NPLOC4: variants seen among roughly 807,000 people sequenced by gnomAD.
The protein encoded by NPLOC4 is NPL4 homolog, ubiquitin recognition factor, also known as nuclear protein localization protein 4 homolog.
A neutral mutation model predicts 80.6 loss-of-function variants in NPLOC4; 18 were observed. That is an observed-to-expected ratio of 0.22 (90% CI 0.15 to 0.33). The LOEUF (loss-of-function observed/expected upper bound fraction) is 0.33, where lower values mean the gene tolerates loss of function less well. Ranked by LOEUF, NPLOC4 falls within the 10% of genes least tolerant of loss-of-function variation. NPLOC4 has a pLI of 1.00. For missense variants in NPLOC4, 540 were observed against 786.1 expected (o/e 0.69, Z 3.74); for synonymous variants, 313 against 301.5 (o/e 1.04, Z -0.39).
intron 13 of NPLOC4, among the ~76,000 whole-genome samples, chr17:81,570,232 A>G (rs900642888): frequency 3.9e-5 from 6 of 152,244 alleles, no homozygotes; most frequent in African/African-American, 1.2e-4. Context: ...TGTCGGCTAC[A>G]TGGCCTCGTC....
At chr17:81,575,783 A>G (rs1450220348) in intron 12 of NPLOC4, among the ~76,000 whole-genome samples, 1 of 152,218 alleles carries the variant, frequency 6.6e-6, no homozygotes, top group Non-Finnish European at 1.5e-5. Flanking sequence ...CACACTGAGT[A>G]AGACTCTCCC....
chr17:81,597,219 C>T (rs758284073), intron 10 of NPLOC4, 26 bp downstream of exon 10: 3 of 1,595,510 alleles, frequency 1.9e-6, no homozygotes, highest in Non-Finnish European at 2.6e-6. Context: ...CATAGGGCCA[C>T]ACGCACAGTC....
intron 12 of NPLOC4, among the ~76,000 whole-genome samples, chr17:81,583,636 C>T (rs897310044): frequency 6.6e-6 from 1 of 152,188 alleles, no homozygotes; most frequent in African/African-American, 2.4e-5. Flanking sequence ...AAAAACTACA[C>T]GTGAACGATG....
At chr17:81,559,666 G>C (rs1475131907) in intron 16 of NPLOC4, among the ~76,000 whole-genome samples, 1 of 152,064 alleles carries the variant, frequency 6.6e-6, no homozygotes, top group African/African-American at 2.4e-5. Context: ...TTGTTGCAGA[G>C]GGTGCTTCTC....
intron 12 of NPLOC4, among the ~76,000 whole-genome samples, chr17:81,585,106 G>GT (rs1216276211): frequency 1.5e-5 from 2 of 131,494 alleles, no homozygotes; most frequent in African/African-American, 5.6e-5. Context: ...GGAGGCGGAG[G>GT]TTGCAGTGAT....
Position 81,559,326 on chromosome 17 carries a change from T to C in NPLOC4, c.1760A>G (p.Gln587Arg), listed in dbSNP as rs753318257. 3 of 1,606,834 alleles carry C rather than the reference T, an allele frequency of 1.9e-6. No individual in the cohort carries two copies. Among genetic ancestry groups the C allele is most frequent in the Non-Finnish European group, 8.5e-7 (1 of 1,177,138 alleles). ...TGGCTGGTTCATGAACGTGCAGTGC[T>C]GACAGGCCCACATGGCTGCAGTGGC... ...HTATAAMWAC[Q>R]HCTFMNQPGT... The change falls in exon 17 of 17, where the codon CAG (glutamine) becomes CGG (arginine). Residue 587 changes from glutamine to arginine, a missense_variant. Physicochemically the swap from Gln to Arg is conservative, Grantham distance 43. Coordinates refer to ENST00000331134, the MANE Select transcript of NPLOC4 (RefSeq NM_017921.4).
At chr17:81,561,567 G>A (rs1177653809) in intron 16 of NPLOC4, among the ~76,000 whole-genome samples, 1 of 152,168 alleles carries the variant, frequency 6.6e-6, no homozygotes, top group Non-Finnish European at 1.5e-5. Flanking sequence ...GCCCTGAAGA[G>A]ATTCAACTTA....
chr17:81,576,689 A>G (rs1165873268), intron 12 of NPLOC4, among the ~76,000 whole-genome samples: 1 of 152,234 alleles, frequency 6.6e-6, no homozygotes, highest in Non-Finnish European at 1.5e-5. Context: ...TAATATACAA[A>G]GACCTCACAA....
chr17:81,632,462 G>C (rs1366510887), intron 1 of NPLOC4, among the ~76,000 whole-genome samples: 2 of 151,814 alleles, frequency 1.3e-5, no homozygotes, highest in Non-Finnish European at 2.9e-5. Context: ...ACAAGTGCCT[G>C]CCACCACGCC....
intron 9 of NPLOC4, among the ~76,000 whole-genome samples, chr17:81,597,651 C>T (rs971496983): frequency 4.6e-5 from 7 of 151,872 alleles, no homozygotes; most frequent in African/African-American, 1.5e-4. Context: ...GGGGTGGTGG[C>T]GCATGCCTGT....
chr17:81,607,612 T>C (rs2035240667), intron 6 of NPLOC4, among the ~76,000 whole-genome samples: 2 of 152,136 alleles, frequency 1.3e-5, no homozygotes, highest in South Asian at 4.1e-4. Context: ...AAGCAAAGAC[T>C]CGTCACTGAA....
Position 81,588,971 on chromosome 17 carries a change from C to G in NPLOC4, c.1254G>C (p.Glu418Asp). 1.2e-6 allele frequency: 2 copies of G among 1,613,918 alleles called. No homozygotes were observed. Among genetic ancestry groups the G allele is most frequent in the Non-Finnish European group, 1.7e-6 (2 of 1,179,834 alleles). ...ELGYAKESSS[E>D]QYVPDVFYKD... ...TATAAAACACATCAGGCACGTACTGCTCACTGCTAGACTCCTTGGCGTAGC... is the reference window on the plus strand; with the variant it reads ...TATAAAACACATCAGGCACGTACTGGTCACTGCTAGACTCCTTGGCGTAGC... The change falls in exon 12 of 17, where the codon GAG (glutamate) becomes GAC (aspartate). Residue 418 changes from glutamate (E) to aspartate (D), a missense_variant. By Grantham distance (45) the Glu-to-Asp change is conservative. This residue lies in a region of NPLOC4 where 251 missense variants were observed against 377.5 expected (regional missense o/e 0.66). Coordinates refer to ENST00000331134, the MANE Select transcript of NPLOC4 (RefSeq NM_017921.4).
chr17:81,601,301 G>A (rs2144200439), intron 8 of NPLOC4, among the ~76,000 whole-genome samples: 1 of 152,292 alleles, frequency 6.6e-6, no homozygotes, highest in South Asian at 2.1e-4. Flanking sequence ...CGTTTGCTGG[G>A]TATTACCCAT....
chr17:81,585,804 T>C (rs866119263), intron 12 of NPLOC4, among the ~76,000 whole-genome samples: 5 of 151,048 alleles, frequency 3.3e-5, no homozygotes, highest in Admixed American at 2.0e-4. Context: ...CTGGGCAACA[T>C]GGTGAAATCC....
intron 13 of NPLOC4, among the ~76,000 whole-genome samples, chr17:81,570,432 TG>T (rs1249193864): frequency 1.3e-5 from 2 of 152,138 alleles, no homozygotes; most frequent in African/African-American, 4.8e-5. Flanking sequence ...GCGCGTCCCT[TG>T]GGAAGGCCTA....
Position 81,589,014 on chromosome 17 carries a change from T to C in NPLOC4, c.1211A>G (p.Lys404Arg). The C allele has an allele frequency of 6.2e-7, 1 of 1,614,004 alleles. No homozygotes were observed. Among genetic ancestry groups the C allele is most frequent in the Non-Finnish European group, 8.5e-7 (1 of 1,179,850 alleles). Residue 404 changes from lysine (K) to arginine (R), a missense_variant, in exon 12 of 17, where the codon AAG becomes AGG. Transcript: ENST00000331134. ...LVRDECLLPCKDAPELGYAKE... is the reference protein window; with the variant it reads ...LVRDECLLPCRDAPELGYAKE... ...GGCGTAGCCAAGCTCCGGGGCGTCC[T>C]TGCATGGCAGCAAACACTCATCACG... is the stretch of plus-strand genomic sequence containing the variant.
intron 1 of NPLOC4, among the ~76,000 whole-genome samples, chr17:81,633,423 T>G (rs575820162): frequency 5.3e-5 from 8 of 152,188 alleles, no homozygotes; most frequent in Non-Finnish European, 1.0e-4. Context: ...AATTCTAAGG[T>G]GAAGAAGTCA....
At chr17:81,604,775 A>G (rs1598657731) in intron 7 of NPLOC4, 48 bp from the exon 8 acceptor site, 1 of 1,499,272 alleles carries the variant, frequency 6.7e-7, no homozygotes, top group African/African-American at 1.4e-5. Flanking sequence ...CATCAAAAAG[A>G]AATCACTTGT....
chr17:81,597,918 T>A lies in NPLOC4; in HGVS notation c.922-602A>T, dbSNP rs1217812536. ...GACCATCCTGGCTAACATGGTGAAA[T>A]CCCGTCTCTACTAAAAATAGAAAAA... On this transcript the variant is annotated intron_variant, in intron 9 of 16. Coordinates refer to ENST00000331134, the MANE Select transcript of NPLOC4 (RefSeq NM_017921.4). Among the ~76,000 whole-genome samples the A allele has an allele frequency of 3.4e-5, 5 of 147,770 alleles. No individual in the cohort carries two copies. In the East Asian group the frequency reaches 1.0e-3, roughly 30 times the overall value.
Sources: allele counts gnomAD v4.1 joint callset (sites outside exome capture counted in the v4.1 genomes callset), GRCh38; gene constraint gnomAD v4.1.1; regional missense constraint gnomAD v4.1.1; transcripts MANE v1.5; gene names NCBI Gene and HGNC (gene_info 2026-07-23, HGNC 2026-07-21).